The following IMPG1 variants were observed in gnomAD, a reference collection of about 807,000 sequenced individuals.
IMPG1 encodes the protein interphotoreceptor matrix proteoglycan 1.
In IMPG1, 85 loss-of-function variants were observed where a neutral mutation model predicts 92.0. That is an observed-to-expected ratio of 0.92 (90% CI 0.78 to 1.11). IMPG1 has a LOEUF of 1.11. IMPG1 is among the 50% of genes least tolerant of loss of function. The pLI is 0.00. For missense variants in IMPG1, 1,022 were observed against 956.0 expected, an observed-to-expected ratio of 1.07 and a Z score of -0.91; for synonymous variants, 367 against 334.1, an observed-to-expected ratio of 1.10 and a Z score of -1.08.
intron 1 of IMPG1, among the ~76,000 whole-genome samples, chr6:76,055,465 G>A (rs894169264): frequency 6.6e-6 from 1 of 151,792 alleles, no homozygotes; most frequent in Non-Finnish European, 1.5e-5. Context: ...GAAAAGCTAA[G>A]TATTAATGAC....
intron 12 of IMPG1, among the ~76,000 whole-genome samples, chr6:76,001,054 G>T (rs182735025): frequency 3.3e-4 from 51 of 152,308 alleles, no homozygotes; most frequent in Non-Finnish European, 3.5e-4. Context: ...TTTCTCATTT[G>T]TGAAACACAG....
intron 6 of IMPG1, among the ~76,000 whole-genome samples, chr6:76,021,247 G>A (rs1459298910): frequency 6.6e-6 from 1 of 152,082 alleles, no homozygotes; most frequent in African/African-American, 2.4e-5. Flanking sequence ...CTATAGCCTG[G>A]AAGCCCTCCC....
chr6:75,974,388 TTTC>T (rs1347523694), intron 12 of IMPG1, among the ~76,000 whole-genome samples: 5 of 59,014 alleles, frequency 8.5e-5, no homozygotes, highest in Non-Finnish European at 1.8e-4. Context: ...TCTTTCTTTC[TTTC>T]TTTTCTTTCT....
intron 13 of IMPG1, among the ~76,000 whole-genome samples, chr6:75,948,449 TC>T (rs1310408940): frequency 6.6e-6 from 1 of 152,156 alleles, no homozygotes; most frequent in Non-Finnish European, 1.5e-5. Context: ...GACCCACACC[TC>T]CTTTTTATTT....
At chr6:75,971,636 T>C (rs1562353179) in intron 12 of IMPG1, among the ~76,000 whole-genome samples, 1 of 152,148 alleles carries the variant, frequency 6.6e-6, no homozygotes, top group Non-Finnish European at 1.5e-5. Context: ...ACTTTACAAA[T>C]CACATGTAAG....
intron 4 of IMPG1, among the ~76,000 whole-genome samples, chr6:76,034,068 G>A (rs935999536): frequency 6.6e-6 from 1 of 152,084 alleles, no homozygotes; most frequent in Non-Finnish European, 1.5e-5. Flanking sequence ...ATATCACATA[G>A]CAATAAATTC....
intron 6 of IMPG1, among the ~76,000 whole-genome samples, chr6:76,020,575 C>T (rs909345532): frequency 6.6e-6 from 1 of 152,112 alleles, no homozygotes; most frequent in African/African-American, 2.4e-5. Context: ...TCTCAGGCCC[C>T]AGGGGTGGTA....
Position 76,046,531 on chromosome 6 carries a change from G to T in IMPG1, c.68-4405C>A, listed in dbSNP as rs35279317. ...TTAAATATGTTCATTACTTATGAAA[G>T]AAAAAGGTAGTAGCAGCACAAATCA... On this transcript the variant is annotated intron_variant, in intron 1 of 16. Coordinates refer to ENST00000369950, the MANE Select transcript of IMPG1 (RefSeq NM_001563.4). Among the ~76,000 whole-genome samples, 1,359 of 152,242 alleles carry T rather than the reference G, an allele frequency of 8.9e-3. 20 individuals are homozygous for T. Among genetic ancestry groups the T allele is most frequent in the African/African-American group, 0.03 (1,260 of 41,540 alleles).
chr6:75,952,809 G>A (rs1782056898), intron 12 of IMPG1, among the ~76,000 whole-genome samples: 1 of 152,144 alleles, frequency 6.6e-6, no homozygotes, highest in Non-Finnish European at 1.5e-5. Flanking sequence ...TGCCATGTGA[G>A]AATATAGCAA....
chr6:75,925,534 AAGG>A (rs1204282663), intron 15 of IMPG1, among the ~76,000 whole-genome samples: 3 of 152,160 alleles, frequency 2.0e-5, no homozygotes, highest in African/African-American at 7.2e-5. Context: ...AATATAGTTT[AAGG>A]AGGTTGAGGC....
chr6:76,017,700 A>G (rs1045414708), intron 7 of IMPG1, among the ~76,000 whole-genome samples: 1 of 152,148 alleles, frequency 6.6e-6, no homozygotes, highest in Non-Finnish European at 1.5e-5. Context: ...AATGTCTTTC[A>G]GTTCAATGAG....
At chr6:76,063,544 T>G (rs930087508) in intron 1 of IMPG1, among the ~76,000 whole-genome samples, 2 of 152,176 alleles carry the variant, frequency 1.3e-5, no homozygotes, top group Non-Finnish European at 2.9e-5. Flanking sequence ...TGGCAGTGAT[T>G]TGGTGACTTC....
intron 1 of IMPG1, among the ~76,000 whole-genome samples, chr6:76,063,245 T>C (rs1196461413): frequency 1.3e-5 from 2 of 151,178 alleles, no homozygotes; most frequent in Non-Finnish European, 3.0e-5. Flanking sequence ...TAAATTAAAT[T>C]AAAATAAAAT....
intron 2 of IMPG1, among the ~76,000 whole-genome samples, chr6:76,036,047 G>A (rs1412962738): frequency 6.6e-6 from 1 of 152,168 alleles, no homozygotes; most frequent in Admixed American, 6.5e-5. Flanking sequence ...GAACAGTGCT[G>A]TAACAAAACT....
chr6:75,954,408 C>T (rs536887071), intron 12 of IMPG1, among the ~76,000 whole-genome samples: 1 of 152,160 alleles, frequency 6.6e-6, no homozygotes, highest in African/African-American at 2.4e-5. Flanking sequence ...GCATAAATGT[C>T]TCCTTTTCAG....
chr6:75,990,588 TACAC>T (rs112985372), intron 12 of IMPG1, among the ~76,000 whole-genome samples: 35 of 144,990 alleles, frequency 2.4e-4, no homozygotes, highest in African/African-American at 3.6e-4. Flanking sequence ...ACCCCACCTC[TACAC>T]ACACACACAC....
rs6925012 is a variant in IMPG1 at position 75,990,773 on chromosome 6, G to A, written c.1291+12145C>T. Among the ~76,000 whole-genome samples the A allele has an allele frequency of 8.9e-3, 1,355 of 152,244 alleles. 26 individuals are homozygous for A. Among genetic ancestry groups the A allele is most frequent in the African/African-American group, 0.031 (1,287 of 41,524 alleles). On this transcript the variant is annotated intron_variant, in intron 12 of 16. Coordinates refer to ENST00000369950, the MANE Select transcript of IMPG1 (RefSeq NM_001563.4). ...GTAAACTGACAACTGCATGCAACTT[G>A]CAATCTACTGACACCTTCACAAATG...
At chr6:76,005,076 C>T (rs892614545) in intron 10 of IMPG1, among the ~76,000 whole-genome samples, 3 of 152,124 alleles carry the variant, frequency 2.0e-5, no homozygotes, top group Non-Finnish European at 4.4e-5. Flanking sequence ...TCTCCTAGAA[C>T]TATCCTTGGT....
chr6:75,933,388 C>A (rs1582050582), intron 14 of IMPG1, among the ~76,000 whole-genome samples: 1 of 152,142 alleles, frequency 6.6e-6, no homozygotes, highest in Admixed American at 6.5e-5. Flanking sequence ...GAGATTTCAC[C>A]ATGATCCTGT....
Sources: gnomAD v4.1 joint callset for allele counts (sites outside exome capture counted in the v4.1 genomes callset) on GRCh38, gnomAD v4.1.1 for gene constraint, MANE v1.5 for transcripts, NCBI Gene and HGNC (gene_info 2026-07-23, HGNC 2026-07-21) for gene names.